Variants in QKI observed in about 807,000 individuals in gnomAD.
The protein encoded by QKI is KH domain-containing RNA-binding protein QKI.
Under a neutral mutation model 39.0 loss-of-function variants are expected in QKI, and 10 were observed. The ratio of observed to expected loss-of-function variants is 0.26; its 90% confidence interval spans 0.16 to 0.43. The LOEUF is 0.43. Among genes scored for constraint, QKI ranks in the 20% least tolerant of loss-of-function variants. QKI has a pLI of 1.00. For synonymous variants in QKI, 204 were observed against 155.4 expected (o/e 1.31, Z -2.33); for missense variants, 218 against 428.0 (o/e 0.51, Z 4.33).
intron 1 of QKI, among the ~76,000 whole-genome samples, chr6:163,433,925 A>G (rs1371068716): frequency 6.6e-6 from 1 of 152,212 alleles, no homozygotes; most frequent in African/African-American, 2.4e-5. Context: ...ACTTGTCTGT[A>G]CTGCCTGTGA....
intron 1 of QKI, among the ~76,000 whole-genome samples, chr6:163,421,359 A>G (rs2128207468): frequency 6.6e-6 from 1 of 152,354 alleles, no homozygotes; most frequent in Admixed American, 6.5e-5. Flanking sequence ...TCAATTCATA[A>G]GCAGAGAAAA....
At chr6:163,536,443 A>G (rs533255220) in intron 4 of QKI, among the ~76,000 whole-genome samples, 6 of 152,334 alleles carry the variant, frequency 3.9e-5, no homozygotes, top group East Asian at 1.9e-4. Flanking sequence ...ATGTTGATCA[A>G]CTGTCAGGCT....
At chr6:163,545,075 A>G (rs913068171) in intron 4 of QKI, among the ~76,000 whole-genome samples, 1 of 152,106 alleles carries the variant, frequency 6.6e-6, no homozygotes, top group Non-Finnish European at 1.5e-5. Context: ...AGATCTCTGT[A>G]ATTTCTGCAG....
intron 1 of QKI, among the ~76,000 whole-genome samples, chr6:163,434,420 CT>C (rs1478111088): frequency 6.6e-6 from 1 of 152,082 alleles, no homozygotes; most frequent in Non-Finnish European, 1.5e-5. Context: ...TATTTTTGAA[CT>C]TTTAGCTTAC....
chr6:163,455,671 T>G (rs767296898), intron 2 of QKI, among the ~76,000 whole-genome samples: 3 of 152,176 alleles, frequency 2.0e-5, no homozygotes, highest in Non-Finnish European at 2.9e-5. Flanking sequence ...GATGAGGAAT[T>G]GTGGAAAGCA....
intron 4 of QKI, among the ~76,000 whole-genome samples, chr6:163,536,139 A>T (rs1781191478): frequency 6.6e-6 from 1 of 152,126 alleles, no homozygotes. Flanking sequence ...GGAATAAAAG[A>T]GTTTTATGTA....
chr6:163,482,213 CTGAGTTCTATTCTG>C (rs1336302725), intron 3 of QKI, among the ~76,000 whole-genome samples: 2 of 152,020 alleles, frequency 1.3e-5, no homozygotes, highest in Non-Finnish European at 2.9e-5. Flanking sequence ...AAACTGAATT[CTGAGTTCTATTCTG>C]TGGTACATTA....
intron 3 of QKI, among the ~76,000 whole-genome samples, chr6:163,479,482 C>G (rs1792898113): frequency 6.6e-6 from 1 of 152,134 alleles, no homozygotes; most frequent in Non-Finnish European, 1.5e-5. Flanking sequence ...AGTGTTTCTC[C>G]TGCCTCAGGC....
chr6:163,508,858 G>A (rs928879046), intron 3 of QKI, among the ~76,000 whole-genome samples: 1 of 151,648 alleles, frequency 6.6e-6, no homozygotes, highest in African/African-American at 2.4e-5. Flanking sequence ...TATTTTACTG[G>A]CCGGGCACGG....
In QKI at chr6:163,571,601, AGT is replaced by A. The variant is rs1241610394; in HGVS notation, c.*894_*895del. On this transcript the variant is annotated 3_prime_UTR_variant, in exon 8 of 8. Coordinates refer to ENST00000361752, the MANE Select transcript of QKI (RefSeq NM_006775.3). ...ATACATGTAATGAAATTGTAGATAA[AGT>A]GTAGTGCATTGAAACAAATGAACAA... is the stretch of plus-strand genomic sequence containing the variant. 6.6e-6 allele frequency: 1 copy of A among 152,106 alleles called. No homozygotes were observed. Among genetic ancestry groups the A allele is most frequent in the Non-Finnish European group, 1.5e-5 (1 of 68,004 alleles). 9.4% of individuals were successfully genotyped at this position (152,106 alleles called of 1,614,324 possible).
chr6:163,490,765 C>T (rs1005379789), intron 3 of QKI, among the ~76,000 whole-genome samples: 2 of 152,062 alleles, frequency 1.3e-5, no homozygotes, highest in Admixed American at 6.6e-5. Flanking sequence ...GGAAAGGTAA[C>T]TTGACAGTAG....
intron 2 of QKI, among the ~76,000 whole-genome samples, chr6:163,471,413 A>T (rs544649309): frequency 6.6e-6 from 1 of 152,290 alleles, no homozygotes; most frequent in Admixed American, 6.5e-5. Flanking sequence ...AAAAATGGTA[A>T]AATTGTTGAT....
rs1202760429 is a variant in QKI at position 163,563,342 on chromosome 6, T to TC, written c.635-78_635-77insC. Reference sequence around the variant, plus strand: ...CTTCTTTCCTGCTTTTCCTTTCTTTTTCCTACTCCCTTCTCATTTTTCCGT... The same window carrying TC: ...CTTCTTTCCTGCTTTTCCTTTCTTTTCTCCTACTCCCTTCTCATTTTTCCGT... On this transcript the variant is annotated intron_variant, in intron 5 of 7. Coordinates refer to ENST00000361752, the MANE Select transcript of QKI (RefSeq NM_006775.3). The TC allele has an allele frequency of 6.9e-6, 9 of 1,311,876 alleles. No homozygotes were observed. The African/African-American group carries it at 1.0e-4, about 15-fold the overall frequency. The allele number at this position is 1,311,876 out of a possible 1,614,324, so 81.3% of individuals were successfully genotyped here.
At chr6:163,568,250 T>C in intron 7 of QKI, 1 of 985,244 alleles carries the variant, frequency 1.0e-6, no homozygotes, top group Non-Finnish European at 1.2e-6. Context: ...AAGTAGTTTT[T>C]TTCCCCCAGC....
chr6:163,497,469 A>AT (rs1206403070), intron 3 of QKI, among the ~76,000 whole-genome samples: 1 of 151,782 alleles, frequency 6.6e-6, no homozygotes, highest in African/African-American at 2.4e-5. Flanking sequence ...TCAGTAGCAA[A>AT]TTTTTTTTAA....
chr6:163,415,800 C>A (rs1216303986), intron 1 of QKI: 1 of 435,406 alleles, frequency 2.3e-6, no homozygotes, highest in African/African-American at 2.0e-5. Context: ...GCGCGGACCC[C>A]CACCGCCCCG....
chr6:163,507,225 T>G (rs1256315848), intron 3 of QKI, among the ~76,000 whole-genome samples: 3 of 152,194 alleles, frequency 2.0e-5, no homozygotes, highest in Non-Finnish European at 2.9e-5. Flanking sequence ...CCAAATGGCC[T>G]GAATACTGGA....
In QKI at chr6:163,577,090, T is replaced by TA. The variant is rs1205580660; in HGVS notation, c.*6387dup. The stretch of plus-strand genomic sequence containing the variant: ...AACCTGTTGAACAGAATTGGTTTAT[T>TA]AAAAAAATCATTTCCAGTAGTGTGA... On this transcript the variant is annotated 3_prime_UTR_variant, in exon 8 of 8. Transcript: ENST00000361752. 3.3e-5 allele frequency: 5 copies of TA among 152,194 alleles called. No individual in the cohort carries two copies. Among genetic ancestry groups the TA allele is most frequent in the Non-Finnish European group, 7.4e-5 (5 of 68,020 alleles). The allele number at this position is 152,194 out of a possible 1,614,324, so 9.4% of individuals were successfully genotyped here.
chr6:163,424,205 A>G (rs1051864787), intron 1 of QKI, among the ~76,000 whole-genome samples: 1 of 152,220 alleles, frequency 6.6e-6, no homozygotes, highest in Non-Finnish European at 1.5e-5. Context: ...TTAAGAAAAA[A>G]AAATTTCAAA....
Sources: gnomAD v4.1 joint callset for allele counts (sites outside exome capture counted in the v4.1 genomes callset) on GRCh38, gnomAD v4.1.1 for gene constraint, MANE v1.5 for transcripts, NCBI Gene and HGNC (gene_info 2026-07-23, HGNC 2026-07-21) for gene names.